The following ZBTB44 variants were observed in gnomAD, a reference collection of about 807,000 sequenced individuals.
The protein encoded by ZBTB44 is zinc finger and BTB domain-containing protein 44.
Under a neutral mutation model 54.0 loss-of-function variants are expected in ZBTB44, and 15 were observed. The ratio of observed to expected loss-of-function variants is 0.28; its 90% CI spans 0.19 to 0.43. The LOEUF (loss-of-function observed/expected upper bound fraction) is 0.43, where lower values mean the gene tolerates loss of function less well. Among genes scored for constraint, ZBTB44 ranks in the 20% least tolerant of loss-of-function variants. The probability of loss-of-function intolerance (pLI) is 1.00; values close to 1 mark genes in which losing one functional copy is unlikely to be tolerated. For synonymous variants in ZBTB44, 230 were observed against 250.1 expected, an observed-to-expected ratio of 0.92 and a Z score of 0.76; for missense variants, 487 against 707.1, an observed-to-expected ratio of 0.69 and a Z score of 3.53.
intron 2 of ZBTB44, among the ~76,000 whole-genome samples, chr11:130,253,682 C>T (rs1317894054): frequency 6.6e-6 from 1 of 152,178 alleles, no homozygotes; most frequent in African/African-American, 2.4e-5. Flanking sequence ...CCCCATCAAG[C>T]TACCAATGAC....
chr11:130,265,148 A>G (rs569425960), intron 1 of ZBTB44, among the ~76,000 whole-genome samples: 2 of 152,290 alleles, frequency 1.3e-5, no homozygotes, highest in African/African-American at 4.8e-5. Context: ...ATGAAAAACA[A>G]GGATATTGAA....
chr11:130,310,714 A>T (rs1276860725), intron 1 of ZBTB44, among the ~76,000 whole-genome samples: 2 of 152,172 alleles, frequency 1.3e-5, no homozygotes, highest in African/African-American at 4.8e-5. Flanking sequence ...AACTAATTTT[A>T]ATGAGGTTTA....
Position 130,276,177 on chromosome 11 carries a change from G to C in ZBTB44, c.-56-14248C>G, listed in dbSNP as rs114272389. On this transcript the variant is annotated intron_variant, in intron 1 of 7. Transcript: ENST00000357899. ...GGAGGCAGAGGTTGCAGTGAGCTGA[G>C]ATCACACCTTGGCATTCCAGCCTAA... Among the ~76,000 whole-genome samples, 1,277 of 131,528 alleles carry C rather than the reference G, an allele frequency of 9.7e-3. 9 individuals carry two copies. The highest frequency in any genetic ancestry group is 0.024 in the African/African-American group (862 of 35,668). 86.3% of individuals were successfully genotyped at this position (131,528 alleles called of 152,430 possible).
chr11:130,279,689 A>G (rs1203024254), intron 1 of ZBTB44, among the ~76,000 whole-genome samples: 1 of 152,032 alleles, frequency 6.6e-6, no homozygotes, highest in African/African-American at 2.4e-5. Flanking sequence ...CCAACCAACC[A>G]ACCGTAGCTC....
chr11:130,258,814 T>C (rs1314064020), intron 2 of ZBTB44, among the ~76,000 whole-genome samples: 1 of 152,186 alleles, frequency 6.6e-6, no homozygotes, highest in Non-Finnish European at 1.5e-5. Flanking sequence ...AAAGTAAAGA[T>C]GGCAGTTTAT....
rs143809497 is a variant in ZBTB44 at position 130,305,813 on chromosome 11, C to T, written c.-57+8562G>A. Reference sequence around the variant, plus strand: ...AATAATCAGCAGAGTAAAGAGACAACCCAAAGTGGTAGAAAATTTTTGCAA... The same window carrying T: ...AATAATCAGCAGAGTAAAGAGACAATCCAAAGTGGTAGAAAATTTTTGCAA... On this transcript the variant is annotated intron_variant, in intron 1 of 7. Transcript: ENST00000357899. 4.0e-3 allele frequency among the ~76,000 whole-genome samples: 616 copies of T among 152,142 alleles called. 2 individuals are homozygous for T. Among genetic ancestry groups the T allele is most frequent in the Non-Finnish European group, 6.9e-3 (469 of 68,002 alleles).
chr11:130,273,802 C>T (rs1232569059), intron 1 of ZBTB44, among the ~76,000 whole-genome samples: 2 of 152,130 alleles, frequency 1.3e-5, no homozygotes, highest in African/African-American at 4.8e-5. Flanking sequence ...GGCATGGTGG[C>T]TCACATCTGT....
At chr11:130,245,844 T>C (rs529193224) in intron 2 of ZBTB44, among the ~76,000 whole-genome samples, 140 of 152,362 alleles carry the variant, frequency 9.2e-4, no homozygotes, top group African/African-American at 3.2e-3. Context: ...GGACCGATTC[T>C]AGTACCGTCA....
intron 1 of ZBTB44, among the ~76,000 whole-genome samples, chr11:130,307,469 T>C (rs920269639): frequency 7.2e-5 from 11 of 151,876 alleles, no homozygotes. Flanking sequence ...ATCACATACC[T>C]ATCCATCCAT....
Position 130,260,849 on chromosome 11 carries a change from A to T in ZBTB44, c.1018+7T>A. On this transcript the variant is annotated splice_region_variant and intron_variant, in intron 2 of 7. Coordinates refer to ENST00000357899, the MANE Select transcript of ZBTB44 (RefSeq NM_001301098.2). ...TAGCACCAAGAAAAACACAGAAGGC[A>T]TTATACCTATAGAGGAAGACTGTGG... 1 of 1,599,462 alleles carries T rather than the reference A, an allele frequency of 6.3e-7. No homozygotes were observed.
intron 1 of ZBTB44, among the ~76,000 whole-genome samples, chr11:130,293,119 T>C (rs959792029): frequency 1.3e-5 from 2 of 152,120 alleles, no homozygotes; most frequent in African/African-American, 4.8e-5. Flanking sequence ...AAGTGTTTTT[T>C]AAGTTTTCAA....
chr11:130,244,667 GA>G (rs11360161), intron 2 of ZBTB44, among the ~76,000 whole-genome samples: 59,149 of 104,610 alleles, frequency 0.57, 14,949 homozygotes, highest in African/African-American at 0.68. Flanking sequence ...ACTCTGTCTG[GA>G]AAAAAAAAAA....
intron 2 of ZBTB44, among the ~76,000 whole-genome samples, chr11:130,243,344 G>C (rs1195492153): frequency 1.3e-5 from 2 of 152,180 alleles, no homozygotes; most frequent in East Asian, 3.8e-4. Flanking sequence ...GAGTTGCTGA[G>C]GTCAGGATAC....
chr11:130,295,179 T>C (rs955448368), intron 1 of ZBTB44, among the ~76,000 whole-genome samples: 27 of 152,094 alleles, frequency 1.8e-4, no homozygotes, highest in African/African-American at 6.0e-4. Context: ...AATCTGACCC[T>C]GTCAGAAACT....
intron 2 of ZBTB44, among the ~76,000 whole-genome samples, chr11:130,255,676 G>A (rs1281284913): frequency 6.6e-6 from 1 of 151,538 alleles, no homozygotes; most frequent in Non-Finnish European, 1.5e-5. Context: ...AGAAGAGAGA[G>A]AATAATCAAA....
chr11:130,239,643 C>A, intron 3 of ZBTB44, 169 bp downstream of exon 3: 3 of 487,876 alleles, frequency 6.1e-6, no homozygotes, highest in Non-Finnish European at 7.2e-6. Context: ...AAAAAAAAAG[C>A]CTTGTATAGG....
At chr11:130,273,144 A>G (rs1009458427) in intron 1 of ZBTB44, among the ~76,000 whole-genome samples, 1 of 152,168 alleles carries the variant, frequency 6.6e-6, no homozygotes, top group African/African-American at 2.4e-5. Flanking sequence ...GAATACTGCT[A>G]TCTTTACAAT....
At chr11:130,264,892 C>T (rs495197) in intron 1 of ZBTB44, among the ~76,000 whole-genome samples, 84,986 of 152,036 alleles carry the variant, frequency 0.56, 27,258 homozygotes, top group South Asian at 0.69. Flanking sequence ...TTTCCACCAG[C>T]TTGTGCTCAC....
intron 1 of ZBTB44, among the ~76,000 whole-genome samples, chr11:130,288,896 TAA>T (rs560248125): frequency 9.9e-5 from 13 of 131,644 alleles, no homozygotes; most frequent in African/African-American, 8.3e-5. Flanking sequence ...GACTCCGTCT[TAA>T]AAAAAAAAAA....
Sources: allele counts gnomAD v4.1 joint callset (sites outside exome capture counted in the v4.1 genomes callset), GRCh38; gene constraint gnomAD v4.1.1; transcripts MANE v1.5; gene names NCBI Gene and HGNC (gene_info 2026-07-23, HGNC 2026-07-21).